Variants in MAP4K4 observed in about 807,000 individuals in gnomAD.
MAP4K4 encodes HPK/GCK-like kinase HGK.
A neutral mutation model predicts 189.6 loss-of-function variants in MAP4K4; 38 were observed. The ratio of observed to expected loss-of-function variants is 0.20; its 90% CI spans 0.15 to 0.26. The LOEUF (loss-of-function observed/expected upper bound fraction) is 0.26. Among genes scored for constraint, MAP4K4 ranks in the 10% least tolerant of loss-of-function variants. The pLI is 1.00. For missense variants in MAP4K4, 1,054 were observed against 1,726.9 expected, an observed-to-expected ratio of 0.61 and a Z score of 6.91; for synonymous variants, 610 against 624.3, an observed-to-expected ratio of 0.98 and a Z score of 0.34.
At chr2:101,759,201 A>C (rs1401700894) in intron 2 of MAP4K4, among the ~76,000 whole-genome samples, 1 of 151,490 alleles carries the variant, frequency 6.6e-6, no homozygotes, top group Non-Finnish European at 1.5e-5. Flanking sequence ...GTAGACTATA[A>C]GGGGTCATTC....
At chr2:101,712,452 C>T (rs1360193396) in intron 2 of MAP4K4, among the ~76,000 whole-genome samples, 4 of 152,100 alleles carry the variant, frequency 2.6e-5, no homozygotes, top group Non-Finnish European at 4.4e-5. Flanking sequence ...CCTTGGCCTC[C>T]CAAAGTGCTG....
At chr2:101,856,743 A>G (rs1180882233) in intron 13 of MAP4K4, among the ~76,000 whole-genome samples, 2 of 152,200 alleles carry the variant, frequency 1.3e-5, no homozygotes, top group Non-Finnish European at 2.9e-5. Context: ...TACAAATACA[A>G]TTTGCCCTTA....
At chr2:101,708,780 C>T (rs1201930282) in intron 2 of MAP4K4, among the ~76,000 whole-genome samples, 1 of 152,192 alleles carries the variant, frequency 6.6e-6, no homozygotes. Context: ...ATCCCTGTTC[C>T]AACCCAGAGC....
intron 20 of MAP4K4, chr2:101,867,649 G>T (rs911858630): frequency 4.4e-5 from 15 of 337,366 alleles, no homozygotes; most frequent in African/African-American, 2.8e-4. Flanking sequence ...AAATACAAAA[G>T]AAAGAAAAGC....
chr2:101,867,985 C>T, intron 20 of MAP4K4, 44 bp from the exon 21 acceptor site: 1 of 1,610,858 alleles, frequency 6.2e-7, no homozygotes, highest in Non-Finnish European at 8.5e-7. Flanking sequence ...CATTCCTCAT[C>T]AACGATGGCT....
chr2:101,728,814 C>G (rs910122918), intron 2 of MAP4K4, among the ~76,000 whole-genome samples: 2 of 152,276 alleles, frequency 1.3e-5, no homozygotes, highest in South Asian at 4.1e-4. Flanking sequence ...CCACCGTGCC[C>G]GACAGATCCC....
chr2:101,812,044 A>G (rs796989113), intron 3 of MAP4K4, among the ~76,000 whole-genome samples: 1 of 152,240 alleles, frequency 6.6e-6, no homozygotes, highest in African/African-American at 2.4e-5. Flanking sequence ...CTACCACTTG[A>G]GAGACTTTGT....
intron 2 of MAP4K4, among the ~76,000 whole-genome samples, chr2:101,788,693 A>G (rs2092225431): frequency 1.3e-5 from 2 of 152,288 alleles, no homozygotes; most frequent in East Asian, 1.9e-4. Context: ...TCCCTTAGTA[A>G]GGGAAACTCA....
intron 2 of MAP4K4, among the ~76,000 whole-genome samples, chr2:101,785,856 G>T (rs2148710200): frequency 2.0e-5 from 3 of 149,040 alleles, no homozygotes; most frequent in Non-Finnish European, 3.0e-5. Context: ...TTGGAGTCTT[G>T]CTCTGTCGCC....
chr2:101,802,592 C>A (rs2094471675), intron 3 of MAP4K4, among the ~76,000 whole-genome samples: 1 of 152,144 alleles, frequency 6.6e-6, no homozygotes, highest in South Asian at 2.1e-4. Context: ...CACGGCTGCC[C>A]AGCTCACTCC....
chr2:101,785,691 T>C (rs1558913366), intron 2 of MAP4K4, among the ~76,000 whole-genome samples: 1 of 2,834 alleles, frequency 3.5e-4, no homozygotes. Context: ...TCTCTCTCTC[T>C]CTCTCTCTCT....
At chr2:101,822,298 A>G (rs1052909999) in intron 3 of MAP4K4, among the ~76,000 whole-genome samples, 1 of 152,290 alleles carries the variant, frequency 6.6e-6, no homozygotes, top group South Asian at 2.1e-4. Flanking sequence ...TCACTAGGTG[A>G]TGGGAATTTT....
intron 3 of MAP4K4, among the ~76,000 whole-genome samples, chr2:101,815,909 C>T (rs868323787): frequency 3.3e-5 from 5 of 152,254 alleles, no homozygotes; most frequent in East Asian, 3.9e-4. Context: ...GGTTTCCGCA[C>T]GGGGACGTGT....
intron 10 of MAP4K4, among the ~76,000 whole-genome samples, chr2:101,841,975 G>A (rs936445767): frequency 1.3e-5 from 2 of 152,168 alleles, no homozygotes; most frequent in Non-Finnish European, 1.5e-5. Context: ...AGTTATTGAT[G>A]TTGAAACTTT....
chr2:101,758,919 A>G (rs927715624), intron 2 of MAP4K4, among the ~76,000 whole-genome samples: 28 of 151,928 alleles, frequency 1.8e-4, no homozygotes, highest in African/African-American at 6.3e-4. Context: ...GGATCACGAG[A>G]TCAGGAGATC....
In MAP4K4 at chr2:101,757,797, A is replaced by G. The variant is rs139304770; in HGVS notation, c.124-32923A>G. ...CACTTTGGGAGGCCGAGGCGAGTGG[A>G]TCGCTTGGGGCCAGGAGTTCAAGAC... On this transcript the variant is annotated intron_variant, in intron 2 of 32. Coordinates refer to ENST00000324219, the Ensembl canonical transcript of MAP4K4. Among the ~76,000 whole-genome samples, 1,003 of 152,342 alleles carry G rather than the reference A, an allele frequency of 6.6e-3. 11 individuals carry two copies. Among genetic ancestry groups the G allele is most frequent in the African/African-American group, 0.023 (970 of 41,572 alleles).
intron 3 of MAP4K4, among the ~76,000 whole-genome samples, chr2:101,798,203 A>G (rs2093999569): frequency 6.6e-6 from 1 of 151,776 alleles, no homozygotes; most frequent in Non-Finnish European, 1.5e-5. Flanking sequence ...TATGAGCCAC[A>G]GCACCCGCCC....
rs1014834780 is a variant in MAP4K4, at chr2:101,870,511, T to C, written c.2760+96T>C. 20 of 1,516,294 alleles carry C rather than the reference T, an allele frequency of 1.3e-5. No homozygotes were observed. The African/African-American group carries it at 2.8e-4, about 21-fold the overall frequency. 93.9% of individuals were successfully genotyped at this position (1,516,294 alleles called of 1,614,324 possible). On this transcript the variant is annotated intron_variant, in intron 23 of 32. Coordinates refer to ENST00000324219, the Ensembl canonical transcript of MAP4K4. ...CACTCATGCTGTTTCTCCATCATCA[T>C]CTGTTTTCATGTTAACAAGTCCCAG...
chr2:101,750,808 AG>A, intron 2 of MAP4K4, among the ~76,000 whole-genome samples: 1 of 151,254 alleles, frequency 6.6e-6, no homozygotes. Context: ...CCTGGGTGAC[AG>A]AGTAAGACCC....
Sources: gnomAD v4.1 joint callset for allele counts (sites outside exome capture counted in the v4.1 genomes callset) on GRCh38, gnomAD v4.1.1 for gene constraint, MANE v1.5 for transcripts, NCBI Gene and HGNC (gene_info 2026-07-23, HGNC 2026-07-21) for gene names.